The following WNK3 variants were observed in gnomAD, a reference collection of about 807,000 sequenced individuals.
WNK3 encodes serine/threonine-protein kinase WNK3.
A neutral mutation model predicts 116.7 loss-of-function variants in WNK3; 18 were observed. That is an observed-to-expected ratio of 0.15 (90% CI 0.11 to 0.23). The LOEUF is 0.23. Among genes scored for constraint, WNK3 ranks in the 10% least tolerant of loss-of-function variants. The probability of loss-of-function intolerance (pLI) is 1.00; values close to 1 mark genes in which losing one functional copy is unlikely to be tolerated. For missense variants in WNK3, 993 were observed against 1,323.8 expected (o/e 0.75, Z 3.88); for synonymous variants, 404 against 469.4 (o/e 0.86, Z 1.80).
intron 13 of WNK3, among the ~76,000 whole-genome samples, chrX:54,253,693 C>T (rs1394292698): frequency 1.8e-5 from 2 of 112,076 alleles, no homozygotes; most frequent in African/African-American, 6.5e-5. Context: ...AAAAGCTTGT[C>T]AGGTGATTTT....
intron 1 of WNK3, among the ~76,000 whole-genome samples, chrX:54,350,210 C>T (rs1168382705): frequency 3.6e-5 from 4 of 111,148 alleles, no homozygotes; most frequent in Non-Finnish European, 7.5e-5. Context: ...GAGATCAAGA[C>T]CATCCTGGCT....
intron 2 of WNK3, among the ~76,000 whole-genome samples, chrX:54,316,441 G>A (rs1486100270): frequency 9.3e-6 from 1 of 107,055 alleles, no homozygotes; most frequent in Non-Finnish European, 1.9e-5. Context: ...TTGGGAGGTT[G>A]AGGCAGGAGA....
chrX:54,243,322 G>A (rs1382680325), intron 17 of WNK3, among the ~76,000 whole-genome samples: 3 of 105,749 alleles, frequency 2.8e-5, no homozygotes, highest in African/African-American at 1.0e-4. Flanking sequence ...TCGGGAGGCT[G>A]AGGCAGGAGA....
chrX:54,229,015 T>A (rs1043084942), intron 21 of WNK3, among the ~76,000 whole-genome samples: 3 of 111,213 alleles, frequency 2.7e-5, no homozygotes, highest in Admixed American at 9.7e-5. Flanking sequence ...AAGTCTATAT[T>A]CGCAGATGAC....
chrX:54,268,339 A>T (rs1315320299), intron 10 of WNK3, among the ~76,000 whole-genome samples: 5 of 111,419 alleles, frequency 4.5e-5, no homozygotes, highest in Admixed American at 1.9e-4. Flanking sequence ...AACTAAAAAA[A>T]TTAACTGGCC....
At chrX:54,210,817 T>C (rs1035200001) in intron 22 of WNK3, among the ~76,000 whole-genome samples, 1 of 112,034 alleles carries the variant, frequency 8.9e-6, no homozygotes, top group Admixed American at 9.5e-5. Flanking sequence ...ATCCTAAAAT[T>C]GGACAAAATT....
intron 22 of WNK3, among the ~76,000 whole-genome samples, chrX:54,213,490 G>C (rs1557144224): frequency 2.0e-5 from 2 of 100,332 alleles, no homozygotes; most frequent in African/African-American, 3.9e-5. Flanking sequence ...GGAAGTGGAG[G>C]TTGCAGTGAG....
intron 8 of WNK3, among the ~76,000 whole-genome samples, chrX:54,293,656 T>C (rs1014881325): frequency 4.5e-5 from 5 of 111,997 alleles, no homozygotes; most frequent in Non-Finnish European, 7.5e-5. Context: ...TTCAGTAAAA[T>C]ATATCATATT....
intron 17 of WNK3, among the ~76,000 whole-genome samples, chrX:54,241,573 A>C (rs1274647056): frequency 8.9e-6 from 1 of 112,211 alleles, no homozygotes; most frequent in Non-Finnish European, 1.9e-5. Context: ...GATACAAAAA[A>C]TAGCTGAATA....
chrX:54,233,277 A>T (rs2067922871), intron 20 of WNK3, among the ~76,000 whole-genome samples: 1 of 106,463 alleles, frequency 9.4e-6, no homozygotes, highest in Non-Finnish European at 1.9e-5. Context: ...AAAAAAAAAA[A>T]AAATACAAAA....
rs147480156 is a variant in WNK3, at chrX:54,248,935, G to A, written c.3413C>T (p.Thr1138Ile). 1.5e-5 allele frequency: 18 copies of A among 1,209,350 alleles called. No homozygotes were observed. The African/African-American group carries it at 2.6e-4, about 18-fold the overall frequency. The change falls in exon 17 of 24, where the codon ACC (threonine) becomes ATC (isoleucine). Residue 1138 changes from threonine to isoleucine, a missense_variant. Physicochemically the swap from Thr to Ile is moderately conservative, Grantham distance 89. Around this residue, in one of 4 missense-constraint regions of WNK3, gnomAD observed 836 missense variants for 976.5 expected, o/e 0.86. Transcript: ENST00000354646. ...AGAAAATGGAGAGTCTATGCTTTGG[G>A]TATCCTTCTGACTCTCGGGATAGAT...
intron 1 of WNK3, among the ~76,000 whole-genome samples, chrX:54,349,423 A>G (rs2147335899): frequency 8.9e-6 from 1 of 112,347 alleles, no homozygotes; most frequent in South Asian, 3.7e-4. Flanking sequence ...CTAGGAACAA[A>G]CTCAAGAAGA....
At chrX:54,259,996 T>C (rs2068238853) in intron 10 of WNK3, among the ~76,000 whole-genome samples, 1 of 111,886 alleles carries the variant, frequency 8.9e-6, no homozygotes, top group South Asian at 3.7e-4. Flanking sequence ...TATATGATGG[T>C]GCCTCATCTT....
chrX:54,204,489 T>C (rs1557142295), intron 22 of WNK3, among the ~76,000 whole-genome samples: 1 of 111,975 alleles, frequency 8.9e-6, no homozygotes, highest in East Asian at 2.8e-4. Flanking sequence ...CATTCACATA[T>C]ACAAGAGTTT....
chrX:54,210,772 A>C (rs2067604578), intron 22 of WNK3, among the ~76,000 whole-genome samples: 1 of 112,383 alleles, frequency 8.9e-6, no homozygotes, highest in South Asian at 3.7e-4. Context: ...CCAGTATGAC[A>C]GAGTGAGGAC....
intron 13 of WNK3, among the ~76,000 whole-genome samples, chrX:54,251,996 C>T (rs1488173170): frequency 8.1e-5 from 8 of 99,011 alleles, no homozygotes; most frequent in Admixed American, 3.5e-4. Context: ...GCCCAGGAGG[C>T]GGAGGTTATG....
intron 1 of WNK3, among the ~76,000 whole-genome samples, chrX:54,345,902 A>G (rs1254607633): frequency 1.8e-5 from 2 of 110,395 alleles, no homozygotes; most frequent in Non-Finnish European, 3.8e-5. Context: ...GAAATGTCAG[A>G]ACACAGATCG....
intron 17 of WNK3, among the ~76,000 whole-genome samples, chrX:54,240,742 T>G (rs1320149738): frequency 9.0e-6 from 1 of 111,483 alleles, no homozygotes; most frequent in Non-Finnish European, 1.9e-5. Context: ...TAGGCTAGAA[T>G]GCTTACAAAA....
Position 54,239,068 on chromosome X carries a change from TC to T in WNK3, c.3682del (p.Asp1228IlefsTer26). 1 of 1,192,116 alleles carries T rather than the reference TC, an allele frequency of 8.4e-7. No individual in the cohort carries two copies. On this transcript the variant is annotated frameshift_variant, in exon 18 of 24. Coordinates refer to ENST00000354646, the Ensembl canonical transcript of WNK3. LOFTEE classifies it high-confidence loss of function. ...CACAGCAGCAGGATAGGCCTCTGGA[TC>T]CCCTGGAAGTGAAGCATCTGAGGAC...
Sources: gnomAD v4.1 joint callset for allele counts (sites outside exome capture counted in the v4.1 genomes callset) on GRCh38, gnomAD v4.1.1 for gene constraint, gnomAD v4.1.1 regional missense constraint, MANE v1.5 for transcripts, NCBI Gene and HGNC (gene_info 2026-07-23, HGNC 2026-07-21) for gene names.